Variants in RUBCN observed in about 807,000 individuals in gnomAD.
RUBCN encodes the protein run domain Beclin-1-interacting and cysteine-rich domain-containing protein.
In RUBCN, 74 loss-of-function variants were observed where a neutral mutation model predicts 113.2. The ratio of observed to expected loss-of-function variants is 0.65; its 90% confidence interval spans 0.54 to 0.79. The LOEUF (loss-of-function observed/expected upper bound fraction) is 0.79. RUBCN is among the 30% of genes least tolerant of loss of function. The probability of loss-of-function intolerance (pLI) is 0.00; values close to 1 mark genes in which losing one functional copy is unlikely to be tolerated. For missense variants in RUBCN, 1,109 were observed against 1,251.7 expected, an observed-to-expected ratio of 0.89 and a Z score of 1.72; for synonymous variants, 480 against 490.0, an observed-to-expected ratio of 0.98 and a Z score of 0.27.
chr3:197,735,239 A>C (rs1187754761), intron 1 of RUBCN, among the ~76,000 whole-genome samples: 1 of 152,164 alleles, frequency 6.6e-6, no homozygotes, highest in East Asian at 1.9e-4. Flanking sequence ...TCTACAAAAA[A>C]GTTTTTTAAA....
intron 1 of RUBCN, among the ~76,000 whole-genome samples, chr3:197,726,400 C>T (rs894109091): frequency 4.0e-5 from 6 of 150,640 alleles, no homozygotes; most frequent in Non-Finnish European, 4.4e-5. Flanking sequence ...GTGCCCGCCA[C>T]CATGCCTGGC....
At chr3:197,749,752 A>C, upstream of RUBCN, 1 of 590,336 alleles carries the variant, frequency 1.7e-6, no homozygotes, top group South Asian at 1.7e-5. Flanking sequence ...GCCTCGTCCG[A>C]TCCTGCGAGG....
At chr3:197,699,107 A>T in intron 7 of RUBCN, 1 of 995,056 alleles carries the variant, frequency 1.0e-6, no homozygotes, top group Non-Finnish European at 1.6e-6. Flanking sequence ...TTGATTTGAC[A>T]CCAGACTGAA....
chr3:197,702,491 C>T (rs1262537257), intron 5 of RUBCN, among the ~76,000 whole-genome samples: 7 of 151,886 alleles, frequency 4.6e-5, no homozygotes, highest in African/African-American at 1.2e-4. Context: ...GGTGAAACCC[C>T]GTCTCTACTA....
In RUBCN at chr3:197,691,153, G is replaced by T. The variant is rs921946429; in HGVS notation, c.1786+2562C>A. The T allele has an allele frequency of 7.1e-6, 9 of 1,269,820 alleles. No individual in the cohort carries two copies. In the Admixed American group the frequency reaches 1.6e-4, roughly 23 times the overall value. 78.7% of individuals were successfully genotyped at this position (1,269,820 alleles called of 1,614,324 possible). A position where few individuals can be genotyped will look rare whatever the true frequency, so the allele number is the denominator to read the frequency against. On this transcript the variant is annotated intron_variant, in intron 11 of 19. Coordinates refer to ENST00000296343, the MANE Select transcript of RUBCN (RefSeq NM_014687.4). The stretch of plus-strand genomic sequence containing the variant: ...GGTTAGATCCTTCGCTACCATCTGT[G>T]TAATAATGATGATAAAAGGGGGCCC...
chr3:197,725,667 G>T (rs76891014), intron 1 of RUBCN, among the ~76,000 whole-genome samples: 1 of 151,624 alleles, frequency 6.6e-6, no homozygotes, highest in South Asian at 2.1e-4. Context: ...GCAGCCAAAG[G>T]AGAATCTTAA....
At chr3:197,686,573 C>T (rs1721876109) in intron 11 of RUBCN, among the ~76,000 whole-genome samples, 1 of 152,184 alleles carries the variant, frequency 6.6e-6, no homozygotes, top group Admixed American at 6.5e-5. Flanking sequence ...AAGCAGACAA[C>T]TAAGTTGACA....
At position 197,683,515 on chromosome 3, in the gene RUBCN, T is replaced by A. The variant is rs1160989378; in HGVS notation, c.1848-76A>T. Reference sequence around the variant, plus strand: ...TGCGAGGCTTCCCTTCATGATCTCATCCCCCACGCAGCAACTTCTGGGCTG... The same window carrying A: ...TGCGAGGCTTCCCTTCATGATCTCAACCCCCACGCAGCAACTTCTGGGCTG... On this transcript the variant is annotated intron_variant, in intron 12 of 19. Transcript: ENST00000296343. The surrounding 1 kb of genome is among the most constrained non-coding windows in gnomAD (Gnocchi z 4.6). 7.7e-6 allele frequency: 12 copies of A among 1,555,910 alleles called. No individual in the cohort carries two copies. The Admixed American group carries it at 1.0e-4, about 14-fold the overall frequency.
intron 11 of RUBCN, among the ~76,000 whole-genome samples, chr3:197,684,906 A>G (rs1056783086): frequency 1.3e-5 from 2 of 152,200 alleles, no homozygotes; most frequent in African/African-American, 4.8e-5. Flanking sequence ...TGCCTCTAAC[A>G]TGTCATCACT....
rs781690176 is a variant in RUBCN at position 197,676,866 on chromosome 3, TA to T, written c.2646+18del. On this transcript the variant is annotated intron_variant, in intron 18 of 19. Coordinates refer to ENST00000296343, the MANE Select transcript of RUBCN (RefSeq NM_014687.4). ...TAAAAGCAAGGGCTCAGCTGCATGCTACAGTGAGACTTTCTCACCATGCATC... is the reference window on the plus strand; with the variant it reads ...TAAAAGCAAGGGCTCAGCTGCATGCTCAGTGAGACTTTCTCACCATGCATC... The T allele has an allele frequency of 1.2e-6, 2 of 1,614,126 alleles. No individual in the cohort carries two copies. Among genetic ancestry groups the T allele is most frequent in the Non-Finnish European group, 1.7e-6 (2 of 1,180,024 alleles).
In RUBCN at chr3:197,699,338, C is replaced by G. The variant is rs1293528817; in HGVS notation, c.1261+1275G>C. ...TTACCCAGCAGAAGTGGGGATGGAA[C>G]TCCCAAGAGGAAACCCCAGTTGTGA... On this transcript the variant is annotated intron_variant, in intron 7 of 19. Coordinates refer to ENST00000296343, the MANE Select transcript of RUBCN (RefSeq NM_014687.4). 6.4e-6 allele frequency: 5 copies of G among 776,936 alleles called. No homozygotes were observed. In the Admixed American group the frequency reaches 1.1e-4, roughly 17 times the overall value. 48.1% of individuals were successfully genotyped at this position (776,936 alleles called of 1,614,324 possible). A position where few individuals can be genotyped will look rare whatever the true frequency, so the allele number is the denominator to read the frequency against.
intron 11 of RUBCN, 68 bp from the exon 12 acceptor site, chr3:197,684,285 T>A: frequency 8.5e-7 from 1 of 1,183,362 alleles, no homozygotes; most frequent in East Asian, 2.3e-5. Flanking sequence ...TGGAATCTAT[T>A]ACAAGGTGCT....
chr3:197,725,990 C>G (rs539500778), intron 1 of RUBCN, among the ~76,000 whole-genome samples: 8 of 152,268 alleles, frequency 5.3e-5, no homozygotes, highest in African/African-American at 1.7e-4. Flanking sequence ...TCATGCAGAG[C>G]TCTCCACCTG....
rs749416608 is a variant in RUBCN, at chr3:197,700,852, C to T, written c.1022G>A (p.Ser341Asn). 2 of 1,614,192 alleles carry T rather than the reference C, an allele frequency of 1.2e-6. No homozygotes were observed. Among genetic ancestry groups the T allele is most frequent in the African/African-American group, 2.7e-5 (2 of 75,050 alleles). The part of the protein sequence containing the change: ...DPRGRTASCQ[S>N]HSSNAESSSS... ...GCTGCTCTCGGCATTGCTGCTGTGA[C>T]TCTGACAGCTGGCAGTCCGGCCTCG... The change falls in exon 7 of 20, where the codon AGT becomes AAT. Residue 341 changes from serine (S) to asparagine (N), a missense_variant. Around this residue, in one of 3 missense-constraint regions of RUBCN, gnomAD observed 736 missense variants for 779.6 expected, o/e 0.94. Transcript: ENST00000296343.
chr3:197,694,441 G>A lies in RUBCN; in HGVS notation c.1618C>T (p.Arg540Cys), dbSNP rs757792296. ...GTGCGGATTTGCTGGCGCCGAAGGCGGATCTTCTGCTTCAGCTCCTGGATC... is the reference window on the plus strand; with the variant it reads ...GTGCGGATTTGCTGGCGCCGAAGGCAGATCTTCTGCTTCAGCTCCTGGATC... Reference protein sequence around the residue: ...REIQELKQKIRLRRQQIRTKN... With the variant: ...REIQELKQKICLRRQQIRTKN... The change falls in exon 10 of 20, where the codon CGC becomes TGC. Residue 540 changes from arginine to cysteine, a missense_variant. Arg to Cys is a radical substitution (Grantham distance 180, BLOSUM62 -3). Transcript: ENST00000296343. The A allele has an allele frequency of 1.1e-5, 17 of 1,614,050 alleles. No individual in the cohort carries two copies. The highest frequency in any genetic ancestry group is 1.4e-5 in the Non-Finnish European group (16 of 1,180,042).
rs577247017 is a variant in RUBCN, at chr3:197,676,822, A to G, written c.2646+63T>C. The G allele has an allele frequency of 8.4e-5, 135 of 1,611,692 alleles. No homozygotes were observed. The African/African-American group carries it at 1.7e-3, about 20-fold the overall frequency. ...GCTAAGTGGCAAGAACCCCAGGTCC[A>G]CCCCCCTCCCTGTATCCCTAAAAGC... is the stretch of plus-strand genomic sequence containing the variant. On this transcript the variant is annotated intron_variant, in intron 18 of 19. Transcript: ENST00000296343.
At chr3:197,703,802 G>A (rs544165044) in intron 4 of RUBCN, 148 bp from the exon 5 acceptor site, 7 of 679,660 alleles carry the variant, frequency 1.0e-5, no homozygotes, top group Middle Eastern at 7.6e-4. Flanking sequence ...TGAAGAACGC[G>A]AGGTGCAGCA....
chr3:197,701,265 GTACAAAATTA>G, intron 6 of RUBCN, 119 bp from the exon 7 acceptor site: 15 of 889,538 alleles, frequency 1.7e-5, no homozygotes, highest in Non-Finnish European at 2.5e-5. Flanking sequence ...GCCAAATAAA[GTACAAAATTA>G]TTTAGAAGCA....
intron 11 of RUBCN, among the ~76,000 whole-genome samples, chr3:197,687,456 AACGGAGCTGGAC>A (rs1443611382): frequency 6.6e-6 from 1 of 152,220 alleles, no homozygotes; most frequent in Admixed American, 6.5e-5. Context: ...GCTCTGCAAT[AACGGAGCTGGAC>A]ACAGAAACAT....
Sources: gnomAD v4.1 joint callset for allele counts (sites outside exome capture counted in the v4.1 genomes callset) on GRCh38, gnomAD v4.1.1 for gene constraint, gnomAD v4.1.1 regional missense constraint, Gnocchi (gnomAD v3.1) non-coding constraint, MANE v1.5 for transcripts, NCBI Gene and HGNC (gene_info 2026-07-23, HGNC 2026-07-21) for gene names.